The following PCCA variants were observed in gnomAD, a reference collection of about 807,000 sequenced individuals.
PCCA encodes propionyl-CoA carboxylase subunit alpha.
In PCCA, 74 loss-of-function variants were observed where a neutral mutation model predicts 101.3. That is an observed-to-expected ratio of 0.73 (90% CI 0.61 to 0.89). The LOEUF (loss-of-function observed/expected upper bound fraction) is 0.89, where lower values mean the gene tolerates loss of function less well. PCCA is among the 40% of genes least tolerant of loss of function. The probability of loss-of-function intolerance (pLI) is 0.00; values close to 1 mark genes in which losing one functional copy is unlikely to be tolerated. For missense variants in PCCA, 891 were observed against 907.0 expected (o/e 0.98, Z 0.23); for synonymous variants, 294 against 313.6 (o/e 0.94, Z 0.66).
intron 19 of PCCA, among the ~76,000 whole-genome samples, chr13:100,421,204 TAA>T (rs935153198): frequency 7.0e-6 from 1 of 142,896 alleles, no homozygotes. Flanking sequence ...GAGTGAGGCT[TAA>T]AAAAAAAAAA....
At chr13:100,529,966 GGGGT>G (rs1555332039) in intron 23 of PCCA, 128 bp from the exon 24 acceptor site, 1 of 749,112 alleles carries the variant, frequency 1.3e-6, no homozygotes, top group East Asian at 2.7e-5. Flanking sequence ...CCGGTGGGGT[GGGGT>G]GGCTTGTCCC....
At position 100,090,356 on chromosome 13, in the gene PCCA, CT is replaced by C. The variant is rs371931899; in HGVS notation, c.105+1134del. The stretch of plus-strand genomic sequence containing the variant: ...CCCATACAGTTTAGTGTTCTTTAAT[CT>C]TTATCATTCTGTTCATCTGTGTTGG... On this transcript the variant is annotated intron_variant, in intron 1 of 23. Coordinates refer to ENST00000376285, the MANE Select transcript of PCCA (RefSeq NM_000282.4). 3.7e-4 allele frequency among the ~76,000 whole-genome samples: 57 copies of C among 152,216 alleles called. 1 individual carries two copies. In the East Asian group the frequency reaches 7.7e-3, roughly 21 times the overall value.
intron 6 of PCCA, among the ~76,000 whole-genome samples, chr13:100,163,348 T>C (rs2054690475): frequency 6.6e-6 from 1 of 152,194 alleles, no homozygotes; most frequent in Non-Finnish European, 1.5e-5. Context: ...CTCTGCCACT[T>C]AGTAGCTGTG....
At chr13:100,364,069 T>C (rs2074923502) in intron 18 of PCCA, among the ~76,000 whole-genome samples, 1 of 152,178 alleles carries the variant, frequency 6.6e-6, no homozygotes, top group African/African-American at 2.4e-5. Context: ...TTTATGTGAG[T>C]TCTTTTTTAC....
chr13:100,446,634 T>G (rs1437501921), intron 20 of PCCA, among the ~76,000 whole-genome samples: 2 of 152,164 alleles, frequency 1.3e-5, no homozygotes, highest in Non-Finnish European at 2.9e-5. Context: ...GAATCAACCC[T>G]CCGTTCTTAA....
intron 19 of PCCA, among the ~76,000 whole-genome samples, chr13:100,411,720 C>T (rs549314758): frequency 1.3e-5 from 2 of 152,246 alleles, no homozygotes; most frequent in South Asian, 4.2e-4. Flanking sequence ...TGCAGATGGC[C>T]ATCTTTCTTG....
chr13:100,108,432 T>C (rs1387878623), intron 2 of PCCA, among the ~76,000 whole-genome samples: 1 of 152,196 alleles, frequency 6.6e-6, no homozygotes, highest in African/African-American at 2.4e-5. Flanking sequence ...GTTCCTTGAA[T>C]GGCATATGAG....
At chr13:100,104,053 T>C (rs1038511599) in intron 2 of PCCA, among the ~76,000 whole-genome samples, 8 of 152,164 alleles carry the variant, frequency 5.3e-5, no homozygotes, top group Admixed American at 5.2e-4. Flanking sequence ...GAAGAAGTGA[T>C]TGGAAATAAA....
chr13:100,342,975 C>G (rs1421588915), intron 18 of PCCA, among the ~76,000 whole-genome samples: 2 of 152,118 alleles, frequency 1.3e-5, no homozygotes, highest in Admixed American at 1.3e-4. Context: ...AGTCCACCAG[C>G]CTTGGCCTCC....
chr13:100,528,113 T>G (rs1466111911), intron 23 of PCCA, among the ~76,000 whole-genome samples: 2 of 152,174 alleles, frequency 1.3e-5, no homozygotes, highest in Non-Finnish European at 2.9e-5. Flanking sequence ...TTTTACAAAT[T>G]GCAAAAATTA....
At chr13:100,421,059 T>C (rs1049893124) in intron 19 of PCCA, among the ~76,000 whole-genome samples, 3 of 152,082 alleles carry the variant, frequency 2.0e-5, no homozygotes, top group Admixed American at 6.6e-5. Context: ...ATGCAAAAAT[T>C]AGCCGGGCCT....
In PCCA at chr13:100,515,420, C is replaced by T; in HGVS notation, c.1900-7C>T. 6.2e-7 allele frequency: 1 copy of T among 1,613,524 alleles called. No individual in the cohort carries two copies. The highest frequency in any genetic ancestry group is 1.1e-5 in the South Asian group (1 of 91,054). ...CATTTATGGTTTGGTTTTGTTTTTCCCTTAAGTACAAGGTGAATATCTTAA... is the reference window on the plus strand; with the variant it reads ...CATTTATGGTTTGGTTTTGTTTTTCTCTTAAGTACAAGGTGAATATCTTAA... On this transcript the variant is annotated splice_polypyrimidine_tract_variant and splice_region_variant and intron_variant, in intron 21 of 23. Coordinates refer to ENST00000376285, the MANE Select transcript of PCCA (RefSeq NM_000282.4).
At chr13:100,420,199 T>G (rs1012157205) in intron 19 of PCCA, among the ~76,000 whole-genome samples, 13 of 152,182 alleles carry the variant, frequency 8.5e-5, no homozygotes, top group African/African-American at 3.1e-4. Context: ...AAAGGCAAAA[T>G]GTCAAAAAGT....
Position 100,157,292 on chromosome 13 carries a change from T to C in PCCA, c.420T>C (p.His140=). Residue 140 remains histidine, a synonymous_variant, in exon 6 of 24, where the codon CAT becomes CAC. Transcript: ENST00000376285. ...AIKKTRAQAV[H]PGYGFLSENK... ...TTTTTGCTTTCATTTCTAAGGTACA[T>C]CCAGGTTATGGATTCCTTTCAGAAA... 6 of 1,609,994 alleles carry C rather than the reference T, an allele frequency of 3.7e-6. No individual in the cohort carries two copies. The highest frequency in any genetic ancestry group is 5.1e-6 in the Non-Finnish European group (6 of 1,176,390).
At chr13:100,149,936 C>T (rs1351903672) in intron 4 of PCCA, among the ~76,000 whole-genome samples, 1 of 152,108 alleles carries the variant, frequency 6.6e-6, no homozygotes, top group Non-Finnish European at 1.5e-5. Context: ...AGGACAGGGA[C>T]CAAATAGAAT....
chr13:100,224,599 C>G (rs1314960929), intron 7 of PCCA, among the ~76,000 whole-genome samples: 1 of 152,248 alleles, frequency 6.6e-6, no homozygotes, highest in East Asian at 1.9e-4. Flanking sequence ...TGTCACCTCT[C>G]ACTTCTTCAG....
chr13:100,301,492 C>G lies in PCCA; in HGVS notation c.1098C>G (p.Gly366=). Residue 366 remains glycine (G), a synonymous_variant, in exon 13 of 24, where the codon GGC becomes GGG. Coordinates refer to ENST00000376285, the MANE Select transcript of PCCA (RefSeq NM_000282.4). ...VEHPVTECIT[G]LDLVQEMIRV... Reference sequence around the variant, plus strand: ...ATCCTGTCACAGAATGCATTACTGGCCTGGACCTAGTCCAGGAAATGATCC... The same window carrying G: ...ATCCTGTCACAGAATGCATTACTGGGCTGGACCTAGTCCAGGAAATGATCC... The G allele has an allele frequency of 6.2e-7, 1 of 1,614,068 alleles. No individual in the cohort carries two copies.
intron 6 of PCCA, among the ~76,000 whole-genome samples, chr13:100,183,538 T>G (rs551666219): frequency 2.2e-4 from 33 of 152,158 alleles, no homozygotes; most frequent in Non-Finnish European, 4.6e-4. Flanking sequence ...TCATCCATTT[T>G]GATGGAGGAG....
chr13:100,418,611 T>C (rs1056401185), intron 19 of PCCA, among the ~76,000 whole-genome samples: 2 of 151,930 alleles, frequency 1.3e-5, no homozygotes, highest in Non-Finnish European at 1.5e-5. Flanking sequence ...GAGGCCGAGG[T>C]GGGCAGAGAT....
Sources: gnomAD v4.1 joint callset for allele counts (sites outside exome capture counted in the v4.1 genomes callset) on GRCh38, gnomAD v4.1.1 for gene constraint, MANE v1.5 for transcripts, NCBI Gene and HGNC (gene_info 2026-07-23, HGNC 2026-07-21) for gene names.